Variants in THADA observed in about 807,000 individuals in gnomAD.
The protein encoded by THADA is tRNA (32-2'-O)-methyltransferase regulator THADA.
A neutral mutation model predicts 219.8 loss-of-function variants in THADA; 213 were observed. The observed-to-expected ratio is 0.97, with a 90% CI of 0.87 to 1.09. The LOEUF (loss-of-function observed/expected upper bound fraction) is 1.09, where lower values mean the gene tolerates loss of function less well. Ranked by LOEUF, THADA falls within the 50% of genes least tolerant of loss-of-function variation. The pLI, the probability that THADA is intolerant of heterozygous loss-of-function variation, is 0.00. For synonymous variants in THADA, 1,018 were observed against 828.9 expected (o/e 1.23, Z -3.92); for missense variants, 2,956 against 2,311.3 (o/e 1.28, Z -5.72).
chr2:43,235,967 C>T (rs746583678), intron 36 of THADA, among the ~76,000 whole-genome samples: 14 of 152,032 alleles, frequency 9.2e-5, no homozygotes, highest in South Asian at 2.1e-4. Flanking sequence ...CCACCACGCC[C>T]GGCTAAATTT....
rs77462501 is a variant in THADA at position 43,560,120 on chromosome 2, T to G, written c.2463+114A>C. The G allele has an allele frequency of 2.8e-3, 2,474 of 868,884 alleles. 50 individuals are homozygous for G. The African/African-American group carries it at 0.038, about 13-fold the overall frequency. The allele number at this position is 868,884 out of a possible 1,614,324, so 53.8% of individuals were successfully genotyped here. A position where few individuals can be genotyped will look rare whatever the true frequency, so the allele number is the denominator to read the frequency against. The stretch of plus-strand genomic sequence containing the variant: ...TGTTAATGATAACTGAAAGAAACAG[T>G]CCAAAAACATGAGCAGGCAGATGCA... On this transcript the variant is annotated intron_variant, in intron 16 of 37. Transcript: ENST00000405975.
chr2:43,287,975 G>C (rs558997584), intron 34 of THADA, among the ~76,000 whole-genome samples: 2 of 152,342 alleles, frequency 1.3e-5, no homozygotes, highest in African/African-American at 4.8e-5. Flanking sequence ...GAGCAAACAG[G>C]TGGGACCCTA....
At chr2:43,538,105 A>G (rs953528688) in intron 21 of THADA, among the ~76,000 whole-genome samples, 5 of 152,200 alleles carry the variant, frequency 3.3e-5, no homozygotes, top group African/African-American at 7.2e-5. Context: ...AGGGAAATAC[A>G]TATAAACTTA....
At position 43,447,120 on chromosome 2, in the gene THADA, A is replaced by C. The variant is rs554963961; in HGVS notation, c.3837-16818T>G. Among the ~76,000 whole-genome samples, 6 of 152,296 alleles carry C rather than the reference A, an allele frequency of 3.9e-5. No homozygotes were observed. The South Asian group carries it at 1.2e-3, about 32-fold the overall frequency. On this transcript the variant is annotated intron_variant, in intron 26 of 37. Transcript: ENST00000405975. ...ATCATGGTGGAAGACACCTCTTCAC[A>C]GGGCAGCAGGAGAGAGAATAAGAGC...
At chr2:43,271,911 G>A (rs1042074698) in intron 36 of THADA, among the ~76,000 whole-genome samples, 5 of 152,088 alleles carry the variant, frequency 3.3e-5, no homozygotes, top group African/African-American at 7.2e-5. Flanking sequence ...CACCACGCCC[G>A]GCCTCTCTTG....
chr2:43,322,044 T>C (rs562574738), intron 30 of THADA, among the ~76,000 whole-genome samples: 3 of 149,656 alleles, frequency 2.0e-5, no homozygotes, highest in South Asian at 2.1e-4. Flanking sequence ...TATCAGATAC[T>C]TTTTTTTTTG....
rs1213896595 is a variant in THADA at position 43,308,760 on chromosome 2, A to C, written c.4438+11686T>G. On this transcript the variant is annotated intron_variant, in intron 31 of 37. Coordinates refer to ENST00000405975, the MANE Select transcript of THADA (RefSeq NM_022065.5). ...GCTGAAACATTGGATACCCATACCA[A>C]AAAAAAAAAAAAAAAAAAAAAAAAG... Among the ~76,000 whole-genome samples, 696 of 134,380 alleles carry C rather than the reference A, an allele frequency of 5.2e-3. 43 individuals are homozygous for C. The highest frequency in any genetic ancestry group is 0.018 in the South Asian group (74 of 4,176). 88.2% of individuals were successfully genotyped at this position (134,380 alleles called of 152,430 possible).
intron 31 of THADA, among the ~76,000 whole-genome samples, chr2:43,309,604 T>G (rs752007106): frequency 2.0e-5 from 3 of 152,174 alleles, no homozygotes; most frequent in Non-Finnish European, 4.4e-5. Context: ...CATTCTTTTG[T>G]GGTAAAAGCA....
chr2:43,550,299 AC>A (rs1459438981), intron 19 of THADA, among the ~76,000 whole-genome samples: 1 of 152,248 alleles, frequency 6.6e-6, no homozygotes, highest in Non-Finnish European at 1.5e-5. Context: ...ATATTTAGGT[AC>A]TATGGGAAAT....
chr2:43,341,741 G>A (rs547527815), intron 30 of THADA, among the ~76,000 whole-genome samples: 2 of 152,270 alleles, frequency 1.3e-5, no homozygotes, highest in African/African-American at 4.8e-5. Flanking sequence ...GGACAGCTCT[G>A]ACTTCTTGAT....
intron 28 of THADA, among the ~76,000 whole-genome samples, chr2:43,427,547 T>C (rs1003679527): frequency 2.5e-5 from 3 of 121,414 alleles, no homozygotes; most frequent in African/African-American, 8.9e-5. Flanking sequence ...ATACAAGTTA[T>C]ATATATATAC....
intron 26 of THADA, among the ~76,000 whole-genome samples, chr2:43,445,581 T>C (rs1312377488): frequency 6.6e-6 from 1 of 152,268 alleles, no homozygotes; most frequent in East Asian, 1.9e-4. Context: ...TCGGGGCCTC[T>C]GTTTTGAGCA....
At chr2:43,264,287 T>C (rs905796144) in intron 36 of THADA, among the ~76,000 whole-genome samples, 7 of 150,130 alleles carry the variant, frequency 4.7e-5, no homozygotes, top group African/African-American at 1.5e-4. Flanking sequence ...CTTTTTCTTT[T>C]CTTTTTTTTT....
chr2:43,405,117 T>G lies in THADA; in HGVS notation c.4059-6978A>C, dbSNP rs545821084. Among the ~76,000 whole-genome samples the G allele has an allele frequency of 9.8e-5, 15 of 152,296 alleles. No homozygotes were observed. The South Asian group carries it at 3.1e-3, about 32-fold the overall frequency. On this transcript the variant is annotated intron_variant, in intron 28 of 37. Transcript: ENST00000405975. ...AGCTGGAAAGGAGAGGAGGCTTGAG[T>G]TTCTCTGGGGCCTATTCACTTGTTT... is the stretch of plus-strand genomic sequence containing the variant.
At chr2:43,591,156 C>G (rs567041929) in intron 3 of THADA, among the ~76,000 whole-genome samples, 1 of 152,004 alleles carries the variant, frequency 6.6e-6, no homozygotes, top group South Asian at 2.1e-4. Flanking sequence ...AACCCTGTCT[C>G]TACAAAAAAA....
chr2:43,436,102 T>G (rs553537154), intron 26 of THADA, among the ~76,000 whole-genome samples: 4 of 152,284 alleles, frequency 2.6e-5, no homozygotes, highest in Non-Finnish European at 2.9e-5. Context: ...AAGTGGCCCA[T>G]GAGTACATAA....
chr2:43,322,824 T>C (rs1249111685), intron 30 of THADA, among the ~76,000 whole-genome samples: 1 of 151,502 alleles, frequency 6.6e-6, no homozygotes, highest in African/African-American at 2.4e-5. Flanking sequence ...TAGCTGGGAC[T>C]ACAGGCGCCC....
At position 43,547,327 on chromosome 2, in the gene THADA, A is replaced by C. The variant is rs574568794; in HGVS notation, c.3106+1883T>G. Among the ~76,000 whole-genome samples the C allele has an allele frequency of 4.6e-5, 7 of 152,266 alleles. No individual in the cohort carries two copies. In the South Asian group the frequency reaches 6.2e-4, roughly 14 times the overall value. On this transcript the variant is annotated intron_variant, in intron 20 of 37. Transcript: ENST00000405975. ...TTTTTCCTTCATTTCAACTTTGGTG[A>C]ATCTGACAATTATCTGTCTTGGAGT...
chr2:43,407,171 C>T (rs974538096), intron 28 of THADA, among the ~76,000 whole-genome samples: 2 of 152,112 alleles, frequency 1.3e-5, no homozygotes, highest in Non-Finnish European at 2.9e-5. Flanking sequence ...GAAACTCACA[C>T]CATTATCCTT....
Sources: gnomAD v4.1 joint callset for allele counts (sites outside exome capture counted in the v4.1 genomes callset) on GRCh38, gnomAD v4.1.1 for gene constraint, MANE v1.5 for transcripts, NCBI Gene and HGNC (gene_info 2026-07-23, HGNC 2026-07-21) for gene names.